Variants in PNKD observed in about 807,000 individuals in gnomAD.
The protein encoded by PNKD is PNKD metallo-beta-lactamase domain containing.
Under a neutral mutation model 45.3 loss-of-function variants are expected in PNKD, and 36 were observed. The observed-to-expected ratio is 0.80, with a 90% CI of 0.61 to 1.05. The LOEUF (loss-of-function observed/expected upper bound fraction) is 1.05. Ranked by LOEUF, PNKD falls within the 50% of genes least tolerant of loss-of-function variation. The pLI, the probability that PNKD is intolerant of heterozygous loss-of-function variation, is 0.00. For missense variants in PNKD, 511 were observed against 506.6 expected (o/e 1.01, Z -0.08); for synonymous variants, 197 against 210.1 (o/e 0.94, Z 0.54).
intron 2 of PNKD, among the ~76,000 whole-genome samples, chr2:218,305,799 G>A (rs1276599614): frequency 6.6e-6 from 1 of 152,190 alleles, no homozygotes; most frequent in Non-Finnish European, 1.5e-5. Context: ...TAGTGACCAG[G>A]CAGTGCAAAT....
chr2:218,330,866 A>G (rs1694296873), intron 2 of PNKD, among the ~76,000 whole-genome samples: 1 of 152,246 alleles, frequency 6.6e-6, no homozygotes. Flanking sequence ...TGGGAAGCCC[A>G]TGGAGAGAGC....
intron 2 of PNKD, among the ~76,000 whole-genome samples, chr2:218,288,846 C>T (rs1321683353): frequency 6.6e-6 from 1 of 151,984 alleles, no homozygotes; most frequent in Non-Finnish European, 1.5e-5. Flanking sequence ...CAAAATGGTC[C>T]CATTTTGGAT....
chr2:218,336,496 T>C (rs74424267), intron 2 of PNKD, among the ~76,000 whole-genome samples: 2,616 of 152,262 alleles, frequency 0.017, 73 homozygotes, highest in African/African-American at 0.059. Context: ...ATTTAGTTCT[T>C]ACCAGGAGAG....
chr2:218,317,302 C>T (rs891119532), intron 2 of PNKD, among the ~76,000 whole-genome samples: 2 of 152,194 alleles, frequency 1.3e-5, no homozygotes, highest in Admixed American at 6.5e-5. Context: ...GACCAGAATT[C>T]CGTATTTTTA....
In PNKD at chr2:218,340,844, G is replaced by A; in HGVS notation, c.524+58G>A. ...TGTCCCAGCTGGGCTTGCCAGGACT[G>A]GGCCCATTGAGGACGGCCGGGGCCA... On this transcript the variant is annotated intron_variant, in intron 5 of 9. Transcript: ENST00000273077. The surrounding 1 kb of genome is among the most constrained non-coding windows in gnomAD (Gnocchi z 4.2). 2.1e-6 allele frequency: 3 copies of A among 1,458,524 alleles called. No homozygotes were observed. The highest frequency in any genetic ancestry group is 2.9e-6 in the Non-Finnish European group (3 of 1,038,072). The allele number at this position is 1,458,524 out of a possible 1,614,324, so 90.3% of individuals were successfully genotyped here. A position where few individuals can be genotyped will look rare whatever the true frequency, so the allele number is the denominator to read the frequency against.
chr2:218,316,900 G>A (rs1022374642), intron 2 of PNKD: 2 of 152,508 alleles, frequency 1.3e-5, no homozygotes. Flanking sequence ...CTGAAGGTTG[G>A]TAGGTTAAGG....
intron 2 of PNKD, among the ~76,000 whole-genome samples, chr2:218,315,963 T>C (rs1693800761): frequency 6.6e-6 from 1 of 152,238 alleles, no homozygotes; most frequent in South Asian, 2.1e-4. Context: ...TGATCTAGCT[T>C]GGGCTCTGCT....
rs1185549225 is a variant in PNKD at position 218,298,749 on chromosome 2, T to G, written c.236+27200T>G. Among the ~76,000 whole-genome samples, 3 of 152,168 alleles carry G rather than the reference T, an allele frequency of 2.0e-5. No individual in the cohort carries two copies. In the East Asian group the frequency reaches 5.8e-4, roughly 29 times the overall value. On this transcript the variant is annotated intron_variant, in intron 2 of 9. Transcript: ENST00000273077. ...TCTCGCCATGGACCTCTGCCACCTC[T>G]GCCAGCCAGAATACCGGGGGATTCT...
chr2:218,270,738 CAG>C, intron 1 of PNKD, 136 bp downstream of exon 1: 1 of 421,666 alleles, frequency 2.4e-6, no homozygotes, highest in Non-Finnish European at 4.3e-6. Flanking sequence ...TCTGGGGGTG[CAG>C]AGATGCTCTT....
At chr2:218,313,138 C>G (rs896415803) in intron 2 of PNKD, among the ~76,000 whole-genome samples, 1 of 150,400 alleles carries the variant, frequency 6.6e-6, no homozygotes, top group Non-Finnish European at 1.5e-5. Flanking sequence ...CAGTCTCACT[C>G]TGTCGCCCAG....
intron 2 of PNKD, among the ~76,000 whole-genome samples, chr2:218,333,896 C>T (rs1025656607): frequency 2.0e-5 from 3 of 149,972 alleles, no homozygotes; most frequent in African/African-American, 7.4e-5. Flanking sequence ...GGGTGGATCA[C>T]CTGAAGTCAG....
intron 2 of PNKD, chr2:218,279,052 G>A: frequency 1.2e-6 from 2 of 1,614,142 alleles, no homozygotes; most frequent in Non-Finnish European, 1.7e-6. Context: ...ACACGTAGTA[G>A]ACAGCCACAT....
In PNKD at chr2:218,339,847, C is replaced by T. The variant is rs533033409; in HGVS notation, c.301C>T (p.Arg101Trp). ...LFYRQQLRRA[R>W]NRYPKGHSKT... is the part of the protein sequence containing the mutation. ...CTACCGACAGCAGCTGCGCAGGGCT[C>T]GGAATCGCTACCCTAAAGGCCACTC... Residue 101 changes from arginine to tryptophan, a missense_variant, in exon 3 of 10, where the codon CGG becomes TGG. Coordinates refer to ENST00000273077, the MANE Select transcript of PNKD (RefSeq NM_015488.5). 44 of 1,613,174 alleles carry T rather than the reference C, an allele frequency of 2.7e-5. No homozygotes were observed. The East Asian group carries it at 7.6e-4, about 28-fold the overall frequency.
At chr2:218,328,191 C>T (rs1480530751) in intron 2 of PNKD, among the ~76,000 whole-genome samples, 1 of 152,136 alleles carries the variant, frequency 6.6e-6, no homozygotes, top group Non-Finnish European at 1.5e-5. Context: ...TCAGTCCTAG[C>T]TGAGAGGTCT....
At position 218,344,914 on chromosome 2, in the gene PNKD, A is replaced by G; in HGVS notation, c.1091A>G (p.Asp364Gly). ...LGPGPGPTGD[D>G]DYSRAQLLEE... The stretch of plus-strand genomic sequence containing the variant: ...CCGGGGCCGGGCCCCACTGGGGATG[A>G]TGACTACTCCCGGGCCCAGCTCCTG... The change falls in exon 10 of 10, where the codon GAT (aspartate) becomes GGT (glycine). Residue 364 changes from aspartate to glycine, a missense_variant. Coordinates refer to ENST00000273077, the MANE Select transcript of PNKD (RefSeq NM_015488.5). 1.2e-6 allele frequency: 2 copies of G among 1,613,986 alleles called. No individual in the cohort carries two copies. Among genetic ancestry groups the G allele is most frequent in the Non-Finnish European group, 1.7e-6 (2 of 1,179,948 alleles).
At chr2:218,336,228 A>AAAAAAAT (rs1553672785) in intron 2 of PNKD, among the ~76,000 whole-genome samples, 3 of 149,214 alleles carry the variant, frequency 2.0e-5, no homozygotes, top group African/African-American at 4.9e-5. Flanking sequence ...AAAAAAAAAA[A>AAAAAAAT]GTTTGGAAAA....
Position 218,345,106 on chromosome 2 carries a change from C to A in PNKD, c.*125C>A, listed in dbSNP as rs1461495875. On this transcript the variant is annotated 3_prime_UTR_variant, in exon 10 of 10. Coordinates refer to ENST00000273077, the MANE Select transcript of PNKD (RefSeq NM_015488.5). Reference sequence around the variant, plus strand: ...GGCACCCAAGCGGGCATCATCCCCCCACACTGCTCAGGGGAGGGGAGGGAT... The same window carrying A: ...GGCACCCAAGCGGGCATCATCCCCCAACACTGCTCAGGGGAGGGGAGGGAT... The A allele has an allele frequency of 3.3e-5, 24 of 732,076 alleles. No individual in the cohort carries two copies. Among genetic ancestry groups the A allele is most frequent in the African/African-American group, 1.8e-4 (10 of 56,378 alleles). The allele number at this position is 732,076 out of a possible 1,614,324, so 45.3% of individuals were successfully genotyped here.
chr2:218,334,092 A>G (rs10932776), intron 2 of PNKD, among the ~76,000 whole-genome samples: 150,097 of 151,270 alleles, frequency 0.99, 74,485 homozygotes, highest in East Asian at 1. Flanking sequence ...TCCTGCCCGG[A>G]TGACAGAGCA....
At chr2:218,311,978 G>A (rs1027593329) in intron 2 of PNKD, among the ~76,000 whole-genome samples, 1 of 152,210 alleles carries the variant, frequency 6.6e-6, no homozygotes, top group Non-Finnish European at 1.5e-5. Flanking sequence ...GGAGAATGGC[G>A]ATGACTTTTA....
Sources: gnomAD v4.1 joint callset for allele counts (sites outside exome capture counted in the v4.1 genomes callset) on GRCh38, gnomAD v4.1.1 for gene constraint, Gnocchi (gnomAD v3.1) non-coding constraint, MANE v1.5 for transcripts, NCBI Gene and HGNC (gene_info 2026-07-23, HGNC 2026-07-21) for gene names.